Variants in CHLSN observed in about 807,000 individuals in gnomAD.
CHLSN encodes protein cholesin.
At chr7:1,036,914 G>T in the CHLSN span, among the ~76,000 whole-genome samples, 2 of 147,042 alleles carry the variant, frequency 1.4e-5, no homozygotes, top group African/African-American at 4.9e-5. Context: ...GATGGAGACC[G>T]GCCGGGGCAG....
chr7:984,469 G>C, the CHLSN span: 1 of 1,551,434 alleles, frequency 6.4e-7, no homozygotes, highest in Non-Finnish European at 8.7e-7. Context: ...GAAGACGGTG[G>C]TGCTGACGGG....
the CHLSN span, among the ~76,000 whole-genome samples, chr7:1,083,220 T>C: frequency 6.6e-6 from 1 of 152,228 alleles, no homozygotes; most frequent in South Asian, 2.1e-4. Context: ...GCCAATGCCT[T>C]GTAGGCCAGC....
At chr7:989,322 T>C in the CHLSN span, 1 of 161,700 alleles carries the variant, frequency 6.2e-6, no homozygotes, top group Non-Finnish European at 1.4e-5. Flanking sequence ...GCAGTCGGCC[T>C]GCAGTGCCAG....
chr7:1,102,345 T>G, the CHLSN span, among the ~76,000 whole-genome samples: 1 of 152,180 alleles, frequency 6.6e-6, no homozygotes, highest in African/African-American at 2.4e-5. Flanking sequence ...CGGGCAGCTC[T>G]TGATTTGTGT....
chr7:1,028,578 C>T, the CHLSN span: 1 of 984,930 alleles, frequency 1.0e-6, no homozygotes, highest in Admixed American at 6.1e-5. Context: ...TCCACCTGCG[C>T]GAACTGCGGG....
At chr7:997,325 G>A in the CHLSN span, 1 of 349,824 alleles carries the variant, frequency 2.9e-6, no homozygotes, top group Admixed American at 4.8e-5. Flanking sequence ...CCTGGGGCTG[G>A]AGGGTCCCTC....
the CHLSN span, among the ~76,000 whole-genome samples, chr7:1,098,085 T>C: frequency 2.0e-5 from 3 of 149,272 alleles, no homozygotes; most frequent in Admixed American, 2.0e-4. Context: ...ATAAAAGTGC[T>C]GCCTCAAAGT....
chr7:1,080,937 G>A, the CHLSN span: 1 of 152,472 alleles, frequency 6.6e-6, no homozygotes, highest in East Asian at 1.9e-4. Context: ...AGGTCGGGGA[G>A]AAGGTGCCAG....
the CHLSN span, chr7:1,021,333 C>G: frequency 1.0e-6 from 1 of 974,480 alleles, no homozygotes; most frequent in Admixed American, 6.2e-5. Context: ...TCCCCAGAAG[C>G]CTTTTCATCG....
the CHLSN span, chr7:1,028,766 C>A: frequency 1.2e-6 from 1 of 850,230 alleles, no homozygotes; most frequent in Non-Finnish European, 1.4e-6. Flanking sequence ...GTCCCCATCT[C>A]CCCTAGTCTG....
the CHLSN span, among the ~76,000 whole-genome samples, chr7:1,083,053 G>C: frequency 6.6e-6 from 1 of 152,198 alleles, no homozygotes; most frequent in African/African-American, 2.4e-5. Context: ...TGTGCTCCTG[G>C]GGGCGGAGGG....
chr7:1,016,472 G>A, the CHLSN span, among the ~76,000 whole-genome samples: 18 of 117,588 alleles, frequency 1.5e-4, no homozygotes, highest in Middle Eastern at 0.014. Context: ...CCAGCACATA[G>A]CAGCACAGCA....
the CHLSN span, among the ~76,000 whole-genome samples, chr7:1,021,077 G>C: frequency 3.1e-4 from 47 of 151,320 alleles, no homozygotes; most frequent in Admixed American, 7.9e-4. Context: ...CTTCAGGCAG[G>C]CACCTCCAGG....
chr7:1,093,352 C>T, the CHLSN span: 1 of 424,474 alleles, frequency 2.4e-6, no homozygotes, highest in African/African-American at 2.0e-5. Flanking sequence ...TCCTCTGTGC[C>T]CACGGTCTGA....
chr7:1,008,657 G>A, the CHLSN span, among the ~76,000 whole-genome samples: 4 of 152,202 alleles, frequency 2.6e-5, no homozygotes, highest in South Asian at 2.1e-4. Context: ...TCCTGAGCCC[G>A]GCGCTGAGCC....
chr7:980,854 A>AT, the CHLSN span, among the ~76,000 whole-genome samples: 4 of 151,824 alleles, frequency 2.6e-5, no homozygotes, highest in African/African-American at 9.7e-5. Context: ...CGCCCGGCTA[A>AT]TTTTTTGTAT....
the CHLSN span, among the ~76,000 whole-genome samples, chr7:1,005,795 G>A: frequency 3.2e-4 from 48 of 152,292 alleles, no homozygotes; most frequent in Non-Finnish European, 5.0e-4. Context: ...CAGGTGAGTG[G>A]GGGACCCCGT....
chr7:1,023,664 CACACACACACA>C, the CHLSN span, among the ~76,000 whole-genome samples: 2 of 111,272 alleles, frequency 1.8e-5, no homozygotes, highest in African/African-American at 6.0e-5. The surrounding 1 kb of genome is among the most constrained non-coding windows in gnomAD (Gnocchi z 5.0). Flanking sequence ...CACACACACA[CACACACACACA>C]CACCAGCAAC....
the CHLSN span, among the ~76,000 whole-genome samples, chr7:1,013,842 T>C: frequency 4.6e-5 from 7 of 152,196 alleles, no homozygotes; most frequent in Non-Finnish European, 7.3e-5. Context: ...CAGACACTCA[T>C]ATGAAGTACA....
Sources: gnomAD v4.1 joint callset for allele counts (sites outside exome capture counted in the v4.1 genomes callset) on GRCh38, gnomAD v4.1.1 for gene constraint, Gnocchi (gnomAD v3.1) non-coding constraint, MANE v1.5 for transcripts, NCBI Gene and HGNC (gene_info 2026-07-23, HGNC 2026-07-21) for gene names.